Variants in MYOM1 observed in about 807,000 individuals in gnomAD.
The protein encoded by MYOM1 is myomesin-1.
A neutral mutation model predicts 205.3 loss-of-function variants in MYOM1; 164 were observed. The ratio of observed to expected loss-of-function variants is 0.80; its 90% CI spans 0.70 to 0.91. The LOEUF is 0.91. MYOM1 is among the 40% of genes least tolerant of loss of function. The pLI is 0.00. For missense variants in MYOM1, 2,011 were observed against 2,127.3 expected (o/e 0.95, Z 1.08); for synonymous variants, 772 against 789.4 (o/e 0.98, Z 0.37).
At chr18:3,134,515 A>T in intron 16 of MYOM1, 135 bp downstream of exon 16, 2 of 936,766 alleles carry the variant, frequency 2.1e-6, no homozygotes, top group Non-Finnish European at 3.0e-6. Context: ...TGCTAGGATT[A>T]CAGGTGTAAG....
intron 16 of MYOM1, among the ~76,000 whole-genome samples, chr18:3,132,118 G>GTGTATATATATATATA (rs369243798): frequency 7.0e-6 from 1 of 143,460 alleles, no homozygotes; most frequent in East Asian, 2.0e-4. Flanking sequence ...ATATGTGTGT[G>GTGTATATATATATATA]TATATATATA....
At chr18:3,216,863 G>T (rs1214892438) in intron 1 of MYOM1, 1 of 152,204 alleles carries the variant, frequency 6.6e-6, no homozygotes, top group Admixed American at 6.5e-5. Context: ...CAAAATTCCT[G>T]TGTTGAAGCC....
intron 20 of MYOM1, among the ~76,000 whole-genome samples, chr18:3,119,087 T>C (rs1598690870): frequency 6.6e-6 from 1 of 152,118 alleles, no homozygotes; most frequent in East Asian, 1.9e-4. Context: ...TCTTTATAAC[T>C]CTGTAAGAGT....
intron 8 of MYOM1, among the ~76,000 whole-genome samples, chr18:3,171,743 A>T (rs1319513332): frequency 6.6e-6 from 1 of 152,156 alleles, no homozygotes; most frequent in Non-Finnish European, 1.5e-5. Flanking sequence ...AGTCACAGGA[A>T]ATTTAAATTT....
At chr18:3,089,110 C>T in intron 29 of MYOM1, 64 bp downstream of exon 29, 5 of 1,216,554 alleles carry the variant, frequency 4.1e-6, no homozygotes, top group Non-Finnish European at 5.9e-6. Context: ...AATTGAGCTT[C>T]CTCTTCTCTA....
At chr18:3,235,084 A>T in the MYOM1 span, among the ~76,000 whole-genome samples, 1 of 151,906 alleles carries the variant, frequency 6.6e-6, no homozygotes, top group East Asian at 1.9e-4. Context: ...TGTTTTTTCC[A>T]TCATTCTCAC....
rs12605942 is a variant in MYOM1 at position 3,219,853 on chromosome 18, G to A, written c.-79C>T. 0.12 allele frequency: 18,195 copies of A among 152,308 alleles called. 1,299 individuals are homozygous for A. The highest frequency in any genetic ancestry group is 0.31 in the East Asian group (1,596 of 5,180). The allele number at this position is 152,308 out of a possible 1,614,324, so 9.4% of individuals were successfully genotyped here. On this transcript the variant is annotated 5_prime_UTR_variant, in exon 1 of 38. Coordinates refer to ENST00000356443, the MANE Select transcript of MYOM1 (RefSeq NM_003803.4). This position sits in a 1 kb window ranked among gnomAD's most constrained non-coding sequence, Gnocchi z 4.4. ...GGAAATGTTCCGATGAGGCCGAGGA[G>A]CTGGATGAGAGAATGAAGACTCCAC...
At chr18:3,099,634 G>A (rs937620245) in intron 25 of MYOM1, among the ~76,000 whole-genome samples, 2 of 152,150 alleles carry the variant, frequency 1.3e-5, no homozygotes, top group Non-Finnish European at 2.9e-5. Context: ...TATGTAGAAG[G>A]TGCTTTATTG....
chr18:3,193,754 C>T (rs1598759060), intron 3 of MYOM1, 64 bp downstream of exon 3: 2 of 1,467,394 alleles, frequency 1.4e-6, no homozygotes, highest in Non-Finnish European at 1.8e-6. Context: ...TATAATCTGC[C>T]ATTCCTATAG....
At chr18:3,102,300 G>A (rs534475372) in intron 23 of MYOM1, among the ~76,000 whole-genome samples, 174 bp downstream of exon 23, 5 of 152,094 alleles carry the variant, frequency 3.3e-5, no homozygotes, top group Middle Eastern at 3.4e-3. Context: ...CACCGCGCTC[G>A]GCCTAGGATG....
the MYOM1 span, among the ~76,000 whole-genome samples, chr18:3,245,088 C>T: frequency 7.9e-5 from 12 of 152,194 alleles, no homozygotes; most frequent in African/African-American, 2.9e-4. Flanking sequence ...TTGGACTTCC[C>T]GGCCTCCAGA....
intron 11 of MYOM1, 135 bp downstream of exon 11, chr18:3,154,812 A>G: frequency 1.1e-6 from 1 of 940,036 alleles, no homozygotes; most frequent in Non-Finnish European, 1.6e-6. Context: ...AAGAAAGATG[A>G]AGAGAGATAC....
chr18:3,203,059 A>C (rs943269123), intron 2 of MYOM1, among the ~76,000 whole-genome samples: 2 of 151,912 alleles, frequency 1.3e-5, no homozygotes, highest in Non-Finnish European at 2.9e-5. Flanking sequence ...TTGGTCAAGA[A>C]GAAATCACAA....
At position 3,112,279 on chromosome 18, in the gene MYOM1, T is replaced by G; in HGVS notation, c.3418+19A>C. On this transcript the variant is annotated intron_variant, in intron 22 of 37. Transcript: ENST00000356443. ...CTTACACAGATAGGATTAGTTTTAA[T>G]GAAAAGGTGAAAGCCCACCTGGACG... 6.2e-7 allele frequency: 1 copy of G among 1,606,334 alleles called. No homozygotes were observed. The highest frequency in any genetic ancestry group is 8.5e-7 in the Non-Finnish European group (1 of 1,173,422).
intron 13 of MYOM1, among the ~76,000 whole-genome samples, chr18:3,147,981 T>C (rs1176496549): frequency 4.6e-5 from 7 of 151,960 alleles, no homozygotes; most frequent in African/African-American, 1.7e-4. Flanking sequence ...AATAAACACA[T>C]GAAAAGATGC....
At chr18:3,131,722 A>C (rs182704111) in intron 16 of MYOM1, among the ~76,000 whole-genome samples, 2 of 152,202 alleles carry the variant, frequency 1.3e-5, no homozygotes, top group Non-Finnish European at 2.9e-5. Context: ...CTGGGATTAC[A>C]GTTGTAAGCA....
the MYOM1 span, chr18:3,246,163 G>C: frequency 1.3e-5 from 2 of 152,278 alleles, no homozygotes; most frequent in Admixed American, 1.3e-4. Context: ...GTGTCCTCTG[G>C]AGAGGACGCT....
chr18:3,158,342 T>C lies in MYOM1; in HGVS notation c.1502-3254A>G, dbSNP rs111236236. ...TCATGGAGCATCTATTATACTTTAC[T>C]CTACAACTTGCATATTGGTGAATAT... is the stretch of plus-strand genomic sequence containing the variant. On this transcript the variant is annotated intron_variant, in intron 10 of 37. Coordinates refer to ENST00000356443, the MANE Select transcript of MYOM1 (RefSeq NM_003803.4). Among the ~76,000 whole-genome samples, 1,012 of 152,324 alleles carry C rather than the reference T, an allele frequency of 6.6e-3. 9 individuals carry two copies. Among genetic ancestry groups the C allele is most frequent in the African/African-American group, 0.023 (948 of 41,558 alleles).
At chr18:3,202,493 T>C (rs2081080962) in intron 2 of MYOM1, among the ~76,000 whole-genome samples, 2 of 152,152 alleles carry the variant, frequency 1.3e-5, no homozygotes, top group Admixed American at 1.3e-4. Flanking sequence ...ATAAAAAATA[T>C]ATACCATGCA....
Sources: gnomAD v4.1 joint callset for allele counts (sites outside exome capture counted in the v4.1 genomes callset) on GRCh38, gnomAD v4.1.1 for gene constraint, Gnocchi (gnomAD v3.1) non-coding constraint, MANE v1.5 for transcripts, NCBI Gene and HGNC (gene_info 2026-07-23, HGNC 2026-07-21) for gene names.